The following ARID1B variants were observed in gnomAD, a reference collection of about 807,000 sequenced individuals.
The protein encoded by ARID1B is AT-rich interaction domain 1B.
A neutral mutation model predicts 212.3 loss-of-function variants in ARID1B; 30 were observed. The observed-to-expected ratio is 0.14, with a 90% CI of 0.11 to 0.19. The LOEUF (loss-of-function observed/expected upper bound fraction) is 0.19, where lower values mean the gene tolerates loss of function less well. Among genes scored for constraint, ARID1B ranks in the 10% least tolerant of loss-of-function variants. The pLI, the probability that ARID1B is intolerant of heterozygous loss-of-function variation, is 1.00. For synonymous variants in ARID1B, 1,402 were observed against 1,301.7 expected, an observed-to-expected ratio of 1.08 and a Z score of -1.66; for missense variants, 2,891 against 3,204.0, an observed-to-expected ratio of 0.90 and a Z score of 2.36.
At position 156,893,669 on chromosome 6, in the gene ARID1B, T is replaced by C. The variant is rs145161709; in HGVS notation, c.1987-7707T>C. 5.5e-3 allele frequency among the ~76,000 whole-genome samples: 841 copies of C among 152,174 alleles called. 8 individuals carry two copies. Among genetic ancestry groups the C allele is most frequent in the African/African-American group, 0.019 (805 of 41,518 alleles). ...GATATATACATGGCCAATAAGCACA[T>C]GAAAAGGTACTCAACAGCACTGATC... On this transcript the variant is annotated intron_variant, in intron 2 of 19. Transcript: ENST00000636930.
chr6:157,151,667 T>C (rs1790206401), intron 8 of ARID1B: 1 of 152,232 alleles, frequency 6.6e-6, no homozygotes, highest in Non-Finnish European at 1.5e-5. Flanking sequence ...TCTATTACTA[T>C]TGAGTGAATT....
At chr6:156,900,880 G>T (rs1788869810) in intron 2 of ARID1B, among the ~76,000 whole-genome samples, 1 of 152,142 alleles carries the variant, frequency 6.6e-6, no homozygotes, top group South Asian at 2.1e-4. Context: ...AATTTAACTG[G>T]TATATATGTG....
intron 8 of ARID1B, among the ~76,000 whole-genome samples, chr6:157,153,537 A>G (rs540095221): frequency 6.6e-6 from 1 of 152,342 alleles, no homozygotes; most frequent in African/African-American, 2.4e-5. Flanking sequence ...AGTTCCATCC[A>G]TCTGTAGATC....
At chr6:156,889,214 T>A (rs1194756794) in intron 2 of ARID1B, among the ~76,000 whole-genome samples, 1 of 152,272 alleles carries the variant, frequency 6.6e-6, no homozygotes, top group African/African-American at 2.4e-5. Context: ...TAAGCTATTT[T>A]AGAATAAGAT....
intron 2 of ARID1B, among the ~76,000 whole-genome samples, chr6:156,846,830 G>A (rs1784265756): frequency 6.6e-6 from 1 of 152,060 alleles, no homozygotes; most frequent in Non-Finnish European, 1.5e-5. Context: ...TCTCTGAATT[G>A]CTCCCTACAG....
chr6:156,777,194 G>C (rs991280803), upstream of ARID1B: 6 of 151,104 alleles, frequency 4.0e-5, no homozygotes, highest in Non-Finnish European at 7.4e-5. Context: ...GCTCCGAGCG[G>C]CCGCCGAGCC....
At chr6:156,787,000 G>C (rs955948083) in intron 1 of ARID1B, among the ~76,000 whole-genome samples, 1 of 148,604 alleles carries the variant, frequency 6.7e-6, no homozygotes, top group Non-Finnish European at 1.5e-5. Context: ...ACAAAATCTG[G>C]TCAACAACAA....
At chr6:156,978,159 G>A (rs192088655) in intron 4 of ARID1B, among the ~76,000 whole-genome samples, 14 of 152,266 alleles carry the variant, frequency 9.2e-5, no homozygotes, top group Admixed American at 6.5e-4. Context: ...TGTCTCTTAC[G>A]CTTCCCTGAA....
chr6:157,017,241 C>A (rs1337495923), intron 4 of ARID1B, among the ~76,000 whole-genome samples: 1 of 152,102 alleles, frequency 6.6e-6, no homozygotes, highest in African/African-American at 2.4e-5. Flanking sequence ...AGTGTAGAAA[C>A]CTCTGGTAAT....
chr6:156,835,239 C>CAAAAAAA (rs58070286), intron 2 of ARID1B, among the ~76,000 whole-genome samples: 4 of 107,624 alleles, frequency 3.7e-5, no homozygotes, highest in Non-Finnish European at 5.6e-5. Flanking sequence ...GACTCTGTCA[C>CAAAAAAA]AAAAAAAAAA....
intron 15 of ARID1B, chr6:157,194,956 T>G (rs1562339931): frequency 6.6e-6 from 1 of 152,136 alleles, no homozygotes; most frequent in Non-Finnish European, 1.5e-5. Context: ...ACCACTGCAG[T>G]TGCAACATTG....
At chr6:156,861,603 C>T (rs888712442) in intron 2 of ARID1B, among the ~76,000 whole-genome samples, 2 of 151,452 alleles carry the variant, frequency 1.3e-5, no homozygotes, top group Admixed American at 6.6e-5. Flanking sequence ...AGAGTGAGAC[C>T]CTGTCTCAAA....
intron 4 of ARID1B, among the ~76,000 whole-genome samples, chr6:157,082,919 G>GTC (rs1422864615): frequency 2.0e-5 from 3 of 152,154 alleles, no homozygotes; most frequent in African/African-American, 7.2e-5. Flanking sequence ...ATTAGGTTCT[G>GTC]TCAGGTATAC....
chr6:156,802,420 G>A (rs978759155), intron 1 of ARID1B, among the ~76,000 whole-genome samples: 2 of 151,722 alleles, frequency 1.3e-5, no homozygotes, highest in Non-Finnish European at 2.9e-5. Flanking sequence ...CTTCTTTTTA[G>A]GATTTAGTAG....
chr6:157,059,102 G>A (rs1461562960), intron 4 of ARID1B, among the ~76,000 whole-genome samples: 3 of 151,216 alleles, frequency 2.0e-5, no homozygotes, highest in East Asian at 1.9e-4. Flanking sequence ...TTCATTTATC[G>A]ACAGTGTGTG....
At chr6:157,037,178 T>A (rs1781387585) in intron 4 of ARID1B, among the ~76,000 whole-genome samples, 1 of 152,234 alleles carries the variant, frequency 6.6e-6, no homozygotes, top group African/African-American at 2.4e-5. Context: ...TTGCCCCAGT[T>A]TGGGGCTACT....
At chr6:157,040,649 T>C (rs1467201014) in intron 4 of ARID1B, among the ~76,000 whole-genome samples, 2 of 152,242 alleles carry the variant, frequency 1.3e-5, no homozygotes, top group Non-Finnish European at 2.9e-5. Context: ...TGTATGTACA[T>C]GTGGCGAAAC....
At chr6:157,129,584 C>G (rs915789604) in intron 6 of ARID1B, among the ~76,000 whole-genome samples, 2 of 152,188 alleles carry the variant, frequency 1.3e-5, no homozygotes, top group East Asian at 3.8e-4. Context: ...AGATTCCACA[C>G]CCAGTTGAAC....
chr6:156,970,211 G>A (rs777227157), intron 4 of ARID1B, among the ~76,000 whole-genome samples: 1 of 151,976 alleles, frequency 6.6e-6, no homozygotes. Flanking sequence ...CTCCTGAGTA[G>A]CTGGGATTAC....
Sources: allele counts gnomAD v4.1 joint callset (sites outside exome capture counted in the v4.1 genomes callset), GRCh38; gene constraint gnomAD v4.1.1; transcripts MANE v1.5; gene names NCBI Gene and HGNC (gene_info 2026-07-23, HGNC 2026-07-21).